EIF4G3: variants seen among roughly 807,000 people sequenced by gnomAD.
EIF4G3 encodes eukaryotic translation initiation factor 4 gamma 3, also known as eIF-4-gamma 3.
Under a neutral mutation model 186.4 loss-of-function variants are expected in EIF4G3, and 34 were observed. That is an observed-to-expected ratio of 0.18 (90% confidence interval 0.14 to 0.24). The LOEUF (loss-of-function observed/expected upper bound fraction) is 0.24. Among genes scored for constraint, EIF4G3 ranks in the 10% least tolerant of loss-of-function variants. The probability of loss-of-function intolerance (pLI) is 1.00; values close to 1 mark genes in which losing one functional copy is unlikely to be tolerated. For synonymous variants in EIF4G3, 673 were observed against 679.5 expected (o/e 0.99, Z 0.15); for missense variants, 1,536 against 1,948.5 (o/e 0.79, Z 3.99).
chr1:20,931,956 C>T (rs2095331421), intron 14 of EIF4G3, among the ~76,000 whole-genome samples: 1 of 151,724 alleles, frequency 6.6e-6, no homozygotes, highest in Non-Finnish European at 1.5e-5. Context: ...TAGATGGTTT[C>T]TTCTAACATA....
intron 30 of EIF4G3, among the ~76,000 whole-genome samples, chr1:20,839,622 G>C (rs1303597230): frequency 1.3e-5 from 2 of 152,132 alleles, no homozygotes; most frequent in Non-Finnish European, 2.9e-5. Context: ...AGCCTCGCAA[G>C]TAGCTGGGAT....
intron 2 of EIF4G3, among the ~76,000 whole-genome samples, chr1:21,160,976 GC>G: frequency 6.6e-6 from 1 of 152,210 alleles, no homozygotes; most frequent in East Asian, 1.9e-4. Flanking sequence ...TTCGTGACCA[GC>G]CTGACCAACA....
At chr1:20,946,298 A>G (rs2095945636) in intron 13 of EIF4G3, among the ~76,000 whole-genome samples, 1 of 152,176 alleles carries the variant, frequency 6.6e-6, no homozygotes, top group African/African-American at 2.4e-5. Flanking sequence ...GGCACCAACT[A>G]ACTCCTTTAA....
At chr1:21,143,441 T>C (rs568222497) in intron 2 of EIF4G3, among the ~76,000 whole-genome samples, 1 of 152,216 alleles carries the variant, frequency 6.6e-6, no homozygotes, top group Admixed American at 6.5e-5. Flanking sequence ...TAAAACAGTA[T>C]ACAACATTTT....
At chr1:20,918,215 ATTAT>A (rs2154559344) in intron 14 of EIF4G3, among the ~76,000 whole-genome samples, 2 of 151,954 alleles carry the variant, frequency 1.3e-5, no homozygotes, top group African/African-American at 4.8e-5. Context: ...ATACAAGTTT[ATTAT>A]TTATTTTTTA....
intron 3 of EIF4G3, among the ~76,000 whole-genome samples, chr1:21,062,170 C>T (rs2094952109): frequency 6.6e-6 from 1 of 151,734 alleles, no homozygotes; most frequent in East Asian, 1.9e-4. Flanking sequence ...GCAATCCTCT[C>T]GTTTCAGCCT....
At chr1:21,019,517 G>A in intron 4 of EIF4G3, among the ~76,000 whole-genome samples, 1 of 152,084 alleles carries the variant, frequency 6.6e-6, no homozygotes. Flanking sequence ...CCTTTTTTAT[G>A]TTTCAGTGAA....
intron 29 of EIF4G3, 23 bp downstream of exon 29, chr1:20,849,392 G>GT (rs750739069): frequency 0.012 from 12,598 of 1,034,820 alleles, no homozygotes; most frequent in South Asian, 0.018. Context: ...CTGTGTGTGT[G>GT]TTTTTTTTTT....
chr1:20,968,714 T>A (rs1010163082), intron 12 of EIF4G3, among the ~76,000 whole-genome samples: 1 of 152,204 alleles, frequency 6.6e-6, no homozygotes, highest in Admixed American at 6.5e-5. Context: ...AAAAAAACAT[T>A]TTTAAATAAA....
At chr1:20,984,455 T>C (rs1330045715) in intron 7 of EIF4G3, among the ~76,000 whole-genome samples, 2 of 151,404 alleles carry the variant, frequency 1.3e-5, no homozygotes, top group African/African-American at 2.4e-5. Context: ...CATGAGCCAC[T>C]GCGCTTGGCC....
chr1:21,012,033 T>G (rs1252958073), intron 4 of EIF4G3, among the ~76,000 whole-genome samples: 1 of 152,210 alleles, frequency 6.6e-6, no homozygotes, highest in East Asian at 1.9e-4. Context: ...GAGTTCTATT[T>G]AAGAGTATAA....
At chr1:21,009,005 C>A (rs1287540383) in intron 4 of EIF4G3, among the ~76,000 whole-genome samples, 1 of 152,154 alleles carries the variant, frequency 6.6e-6, no homozygotes, top group Non-Finnish European at 1.5e-5. Context: ...AAATCTATCT[C>A]TATCATCTTA....
At chr1:20,921,546 C>T (rs2094495927) in intron 14 of EIF4G3, among the ~76,000 whole-genome samples, 1 of 152,166 alleles carries the variant, frequency 6.6e-6, no homozygotes, top group Non-Finnish European at 1.5e-5. Flanking sequence ...CAATGTGAGA[C>T]ATCTGTACCA....
intron 14 of EIF4G3, among the ~76,000 whole-genome samples, chr1:20,912,271 G>T (rs1395728668): frequency 6.6e-6 from 1 of 152,066 alleles, no homozygotes; most frequent in Non-Finnish European, 1.5e-5. Flanking sequence ...AGTGAGACTT[G>T]GTCTCAAGAT....
intron 31 of EIF4G3, among the ~76,000 whole-genome samples, 176 bp from the exon 32 acceptor site, chr1:20,827,874 A>G (rs1046436254): frequency 6.6e-6 from 1 of 151,950 alleles, no homozygotes; most frequent in African/African-American, 2.4e-5. Flanking sequence ...GAAAAGGTAC[A>G]TGTGAGTTCT....
chr1:21,141,478 GA>G (rs2097337949), intron 2 of EIF4G3, among the ~76,000 whole-genome samples: 1 of 87,190 alleles, frequency 1.1e-5, no homozygotes, highest in East Asian at 3.6e-4. Flanking sequence ...TTCCTACCAA[GA>G]GAAAAAAAAA....
intron 10 of EIF4G3, among the ~76,000 whole-genome samples, chr1:20,976,450 G>C (rs57586138): frequency 6.6e-6 from 1 of 151,466 alleles, no homozygotes; most frequent in East Asian, 1.9e-4. Context: ...GGCAGTAAAC[G>C]GCAGTTTTCT....
At chr1:21,029,594 A>T (rs1240044884) in intron 4 of EIF4G3, among the ~76,000 whole-genome samples, 1 of 152,024 alleles carries the variant, frequency 6.6e-6, no homozygotes, top group Admixed American at 6.5e-5. Flanking sequence ...ACATAGCAAG[A>T]CCTCATCACT....
intron 7 of EIF4G3, among the ~76,000 whole-genome samples, chr1:20,994,016 C>G (rs2081690783): frequency 6.6e-6 from 1 of 152,166 alleles, no homozygotes; most frequent in African/African-American, 2.4e-5. Context: ...GTAAGCGATT[C>G]TCAAATGGGA....
Sources: allele counts gnomAD v4.1 joint callset (sites outside exome capture counted in the v4.1 genomes callset), GRCh38; gene constraint gnomAD v4.1.1; transcripts MANE v1.5; gene names NCBI Gene and HGNC (gene_info 2026-07-23, HGNC 2026-07-21).